Variants in MMP1 observed in about 807,000 individuals in gnomAD.
MMP1 encodes matrix metallopeptidase 1.
A neutral mutation model predicts 49.6 loss-of-function variants in MMP1; 51 were observed. The ratio of observed to expected loss-of-function variants is 1.03; its 90% confidence interval spans 0.82 to 1.30. The LOEUF is 1.30. MMP1 is among the 50% of genes most tolerant of loss of function. The pLI, the probability that MMP1 is intolerant of heterozygous loss-of-function variation, is 0.00. For missense variants in MMP1, 623 were observed against 568.7 expected (o/e 1.10, Z -0.97); for synonymous variants, 230 against 196.8 (o/e 1.17, Z -1.41).
chr11:102,791,493 T>G lies in MMP1; in HGVS notation c.1036A>C (p.Asn346His). Residue 346 changes from asparagine to histidine, a missense_variant and splice_region_variant, in exon 8 of 10, where the codon AAT becomes CAT. By Grantham distance (68) the Asn-to-His change is moderately conservative. Coordinates refer to ENST00000315274, the MANE Select transcript of MMP1 (RefSeq NM_002421.4). ...DRDEVRFFKG[N>H]KYWAVQGQNV... ...TGTCCCTGAACAGCCCAGTACTTAT[T>G]CCCTGCCAATCAAGAAAGAGTGATA... 6.2e-7 allele frequency: 1 copy of G among 1,611,602 alleles called. No individual in the cohort carries two copies. The highest frequency in any genetic ancestry group is 1.7e-5 in the Admixed American group (1 of 59,444).
chr11:102,797,114 G>A lies in MMP1; in HGVS notation c.399C>T (p.Ala133=), dbSNP rs757252978. The change falls in exon 3 of 10, where the codon GCC becomes GCT. Residue 133 remains alanine (A), a synonymous_variant. Transcript: ENST00000315274. The part of the protein sequence containing the change: ...PDLPRADVDH[A]IEKAFQLWSN... ...TCCAGAGTTGGAAGGCTTTCTCAAT[G>A]GCATGGTCCACATCTGCTCTTGGCA... 7 of 1,614,042 alleles carry A rather than the reference G, an allele frequency of 4.3e-6. No homozygotes were observed. The South Asian group carries it at 6.6e-5, about 15-fold the overall frequency.
At chr11:102,791,236 G>A (rs960775034) in intron 8 of MMP1, 97 bp downstream of exon 8, 47 of 1,345,924 alleles carry the variant, frequency 3.5e-5, no homozygotes, top group African/African-American at 2.0e-4. Flanking sequence ...AAAGGATGCC[G>A]GCCAAGGCAG....
At chr11:102,797,895 T>A in intron 1 of MMP1, 93 bp downstream of exon 1, 1 of 946,708 alleles carries the variant, frequency 1.1e-6, no homozygotes. Context: ...AATCTCTTTA[T>A]AAGAAACCTA....
intron 6 of MMP1, 112 bp from the exon 7 acceptor site, chr11:102,792,850 A>G (rs1447258167): frequency 2.1e-6 from 2 of 974,854 alleles, no homozygotes; most frequent in African/African-American, 1.6e-5. Context: ...TGGTAAATGT[A>G]TAACATTCAG....
chr11:102,790,866 C>A, intron 8 of MMP1, 60 bp from the exon 9 acceptor site: 1 of 881,360 alleles, frequency 1.1e-6, no homozygotes, highest in South Asian at 1.4e-5. Context: ...CTCTGAAAAT[C>A]ATTACAGAAA....
chr11:102,790,913 T>C (rs960583453), intron 8 of MMP1, 107 bp from the exon 9 acceptor site: 17 of 711,498 alleles, frequency 2.4e-5, no homozygotes, highest in Non-Finnish European at 3.9e-5. Flanking sequence ...TATTTCATTT[T>C]ATAGATCATT....
rs1165393808 is a variant in MMP1 at position 102,790,287 on chromosome 11, A to T, written c.*125T>A. 1.8e-6 allele frequency: 1 copy of T among 556,176 alleles called. No individual in the cohort carries two copies. The highest frequency in any genetic ancestry group is 3.0e-5 in the South Asian group (1 of 33,602). The allele number at this position is 556,176 out of a possible 1,614,324, so 34.5% of individuals were successfully genotyped here. A position where few individuals can be genotyped will look rare whatever the true frequency, so the allele number is the denominator to read the frequency against. On this transcript the variant is annotated 3_prime_UTR_variant, in exon 10 of 10. Transcript: ENST00000315274. ...AAAAAAATATGCAAACTGAGGTATA[A>T]ATAAGATTATATTCTGTGTATCAGT... is the stretch of plus-strand genomic sequence containing the variant.
intron 1 of MMP1, among the ~76,000 whole-genome samples, 171 bp from the exon 2 acceptor site, chr11:102,797,671 A>G (rs965535597): frequency 6.6e-6 from 1 of 152,216 alleles, no homozygotes; most frequent in Non-Finnish European, 1.5e-5. Flanking sequence ...CAGAGTAGAA[A>G]TGTCCCTACT....
chr11:102,791,306 C>T, intron 8 of MMP1, 27 bp downstream of exon 8: 1 of 1,612,892 alleles, frequency 6.2e-7, no homozygotes, highest in East Asian at 2.2e-5. Context: ...GAACTGAGGC[C>T]CTAACATTCT....
In MMP1 at chr11:102,794,824, C is replaced by A. The variant is rs1208681357; in HGVS notation, c.899+350G>T. Among the ~76,000 whole-genome samples the A allele has an allele frequency of 6.6e-6, 1 of 152,102 alleles. No individual in the cohort carries two copies. Among genetic ancestry groups the A allele is most frequent in the African/African-American group, 2.4e-5 (1 of 41,392 alleles). ...TAAAGAGTGGCATAATGAAAAGAGA[C>A]CTGAAATAGGGAACAGAAGACCAAT... On this transcript the variant is annotated intron_variant, in intron 6 of 9. Transcript: ENST00000315274. This position sits in a 1 kb window ranked among gnomAD's most constrained non-coding sequence, Gnocchi z 4.3.
intron 4 of MMP1, among the ~76,000 whole-genome samples, chr11:102,795,942 ATTTTTC>A (rs1858176356): frequency 6.6e-6 from 1 of 152,086 alleles, no homozygotes; most frequent in Admixed American, 6.6e-5. Context: ...AACATTTAAT[ATTTTTC>A]TTTTTCTTTT....
intron 7 of MMP1, 77 bp downstream of exon 7, chr11:102,792,528 A>G: frequency 7.1e-7 from 1 of 1,403,294 alleles, no homozygotes; most frequent in South Asian, 1.3e-5. Context: ...GAATGTAGCT[A>G]GTAACCTTAT....
At chr11:102,797,931 T>C in intron 1 of MMP1, 57 bp downstream of exon 1, 1 of 1,317,170 alleles carries the variant, frequency 7.6e-7, no homozygotes, top group South Asian at 1.3e-5. Flanking sequence ...ATTACATTAC[T>C]GCAGAAAAAT....
intron 9 of MMP1, 48 bp downstream of exon 9, chr11:102,790,655 T>C (rs375492666): frequency 6.6e-5 from 93 of 1,403,740 alleles, no homozygotes; most frequent in Non-Finnish European, 9.4e-5. Context: ...AATAATGATG[T>C]TATTGCTACG....
Position 102,792,727 on chromosome 11 carries a change from C to T in MMP1, c.911G>A (p.Arg304His), listed in dbSNP as rs747080313. The change falls in exon 7 of 10, where the codon CGC (arginine) becomes CAC (histidine). Residue 304 changes from arginine to histidine, a missense_variant. Coordinates refer to ENST00000315274, the MANE Select transcript of MMP1 (RefSeq NM_002421.4). ...VMFFKDRFYM[R>H]TNPFYPEVEL... ...AACTTCCGGGTAGAAGGGATTTGTG[C>T]GCATGTAGAATCTGATTAGAAAAAA... 87 of 1,611,876 alleles carry T rather than the reference C, an allele frequency of 5.4e-5. 1 individual carries two copies. The highest frequency in any genetic ancestry group is 2.0e-4 in the East Asian group (9 of 44,856).
At position 102,791,354 on chromosome 11, in the gene MMP1, A is replaced by G; in HGVS notation, c.1175T>C (p.Phe392Ser). 3 of 1,613,974 alleles carry G rather than the reference A, an allele frequency of 1.9e-6. No homozygotes were observed. Among genetic ancestry groups the G allele is most frequent in the Non-Finnish European group, 2.5e-6 (3 of 1,179,834 alleles). ...SEENTGKTYF[F>S]VANKYWRYDE... Reference sequence around the variant, plus strand: ...TTACCTCCAGTATTTGTTAGCAACAAAGAAGTAGGTTTTTCCAGTGTTTTC... The same window carrying G: ...TTACCTCCAGTATTTGTTAGCAACAGAGAAGTAGGTTTTTCCAGTGTTTTC... Residue 392 changes from phenylalanine to serine, a missense_variant, in exon 8 of 10, where the codon TTT becomes TCT. Phe to Ser is a radical substitution (Grantham distance 155, BLOSUM62 -2). Coordinates refer to ENST00000315274, the MANE Select transcript of MMP1 (RefSeq NM_002421.4).
intron 1 of MMP1, 107 bp downstream of exon 1, chr11:102,797,881 A>C (rs1172304271): frequency 3.5e-6 from 3 of 867,304 alleles, no homozygotes; most frequent in Non-Finnish European, 5.2e-6. Context: ...GCAAAAAAAA[A>C]AAAAATCTCT....
In MMP1 at chr11:102,797,411, CT is replaced by C; in HGVS notation, c.194del (p.Lys65SerfsTer9). 1 of 1,614,206 alleles carries C rather than the reference CT, an allele frequency of 6.2e-7. No homozygotes were observed. The highest frequency in any genetic ancestry group is 8.5e-7 in the Non-Finnish European group (1 of 1,180,020). On this transcript the variant is annotated frameshift_variant, in exon 2 of 10. Transcript: ENST00000315274. LOFTEE classifies it high-confidence loss of function. ...RNSGPVVEKL[K>X]QMQEFFGLKV... is the part of the protein sequence containing the mutation. ...TCAGCCCAAAGAATTCCTGCATTTG[CT>C]TCAATTTTTCAACCACTGGGCCACT...
rs769027066 is a variant in MMP1 at position 102,797,020 on chromosome 11, T to G, written c.493A>C (p.Arg165=). Residue 165 remains arginine, a synonymous_variant, in exon 3 of 10, where the codon AGG becomes CGG. Coordinates refer to ENST00000315274, the MANE Select transcript of MMP1 (RefSeq NM_002421.4). ...GQADIMISFV[R]GDHRDNSPFD... ...TGCTATAAGAAGAACTTACCTCCCCTGACAAAAGATATCATGATGTCTGCT... is the reference window on the plus strand; with the variant it reads ...TGCTATAAGAAGAACTTACCTCCCCGGACAAAAGATATCATGATGTCTGCT... The G allele has an allele frequency of 6.2e-7, 1 of 1,612,588 alleles. No homozygotes were observed. The highest frequency in any genetic ancestry group is 1.1e-5 in the South Asian group (1 of 90,904).
Sources: gnomAD v4.1 joint callset for allele counts (sites outside exome capture counted in the v4.1 genomes callset) on GRCh38, gnomAD v4.1.1 for gene constraint, Gnocchi (gnomAD v3.1) non-coding constraint, MANE v1.5 for transcripts, NCBI Gene and HGNC (gene_info 2026-07-23, HGNC 2026-07-21) for gene names.